MILR1: variants seen among roughly 807,000 people sequenced by gnomAD.
The protein encoded by MILR1 is mast cell immunoglobulin like receptor 1, also known as allergin-1.
MILR1 carries 31 observed loss-of-function variants against 18.5 expected under a neutral mutation model. That is an observed-to-expected ratio of 1.68 (90% CI 1.26 to 2.26). The LOEUF is 2.26. Among genes scored for constraint, MILR1 ranks in the 30% most tolerant of loss-of-function variants. The pLI, the probability that MILR1 is intolerant of heterozygous loss-of-function variation, is 0.00. For synonymous variants in MILR1, 85 were observed against 56.2 expected (o/e 1.51, Z -2.30); for missense variants, 257 against 157.4 (o/e 1.63, Z -3.38).
chr17:64,463,131 A>T (rs2037469176), intron 5 of MILR1, among the ~76,000 whole-genome samples: 1 of 152,206 alleles, frequency 6.6e-6, no homozygotes, highest in African/African-American at 2.4e-5. Flanking sequence ...TACATCCAGC[A>T]GAAAACTTGT....
chr17:64,475,925 T>C, the MILR1 span, among the ~76,000 whole-genome samples: 1 of 149,496 alleles, frequency 6.7e-6, no homozygotes, highest in South Asian at 2.2e-4. Context: ...GCGATTCTCC[T>C]GCCTCAGCCT....
chr17:64,466,346 A>G (rs562348615), intron 6 of MILR1, 96 bp from the exon 7 acceptor site: 1 of 990,118 alleles, frequency 1.0e-6, no homozygotes, highest in Admixed American at 2.0e-5. Flanking sequence ...GTCCCAGCCT[A>G]CATGGCCACA....
intron 7 of MILR1, 29 bp from the exon 8 acceptor site, chr17:64,466,565 A>G (rs782619858): frequency 1.7e-5 from 27 of 1,611,128 alleles, no homozygotes; most frequent in Non-Finnish European, 2.2e-5. Context: ...AATTGGCCCA[A>G]TAATTCCTAT....
chr17:64,467,314 T>A (rs1401289579), intron 8 of MILR1, among the ~76,000 whole-genome samples: 20 of 151,776 alleles, frequency 1.3e-4, no homozygotes, highest in Admixed American at 2.0e-4. Context: ...TCTTGCTATA[T>A]TGCCCAAGCT....
chr17:64,489,445 A>T, the MILR1 span, among the ~76,000 whole-genome samples: 1 of 151,766 alleles, frequency 6.6e-6, no homozygotes, highest in African/African-American at 2.4e-5. Flanking sequence ...TCATCAAGGG[A>T]TGCTGCAACC....
chr17:64,489,341 T>A, the MILR1 span, among the ~76,000 whole-genome samples: 1 of 140,862 alleles, frequency 7.1e-6, no homozygotes, highest in Admixed American at 7.2e-5. Flanking sequence ...CTAGAAGGAA[T>A]GATGGAATTT....
chr17:64,497,255 G>C, the MILR1 span, among the ~76,000 whole-genome samples: 18 of 152,246 alleles, frequency 1.2e-4, no homozygotes, highest in African/African-American at 4.1e-4. Flanking sequence ...ACCAGTAAAG[G>C]TTATTCCCAC....
chr17:64,474,655 A>G, the MILR1 span, among the ~76,000 whole-genome samples: 1 of 152,140 alleles, frequency 6.6e-6, no homozygotes, highest in Non-Finnish European at 1.5e-5. Context: ...GATTACAGGT[A>G]TGAGCCACCA....
chr17:64,481,027 C>T, the MILR1 span, among the ~76,000 whole-genome samples: 6 of 152,126 alleles, frequency 3.9e-5, no homozygotes, highest in Admixed American at 3.3e-4. Flanking sequence ...ATTTAAAAAC[C>T]CCTTAACAGT....
chr17:64,457,404 G>A lies in MILR1; in HGVS notation c.372G>A (p.Pro124=), dbSNP rs932619546. The change falls in exon 4 of 10, where the codon CCG becomes CCA. Residue 124 remains proline (P), a synonymous_variant. Coordinates refer to ENST00000619286, the MANE Select transcript of MILR1 (RefSeq NM_001085423.2). ...SRDFSFTIVD[P]VTSPVLNIMV... is the part of the protein sequence containing the mutation. Reference sequence around the variant, plus strand: ...TGTTCACTTTCATTCTTCCAGACCCGGTGACTTCCCCAGTGCTGAACATTA... The same window carrying A: ...TGTTCACTTTCATTCTTCCAGACCCAGTGACTTCCCCAGTGCTGAACATTA... The A allele has an allele frequency of 6.3e-6, 3 of 475,112 alleles. No individual in the cohort carries two copies. Among genetic ancestry groups the A allele is most frequent in the African/African-American group, 2.0e-5 (1 of 50,478 alleles). 29.4% of individuals were successfully genotyped at this position (475,112 alleles called of 1,614,324 possible).
intron 5 of MILR1, among the ~76,000 whole-genome samples, chr17:64,464,504 CA>C (rs1184836883): frequency 7.2e-5 from 11 of 151,958 alleles, no homozygotes; most frequent in African/African-American, 2.7e-4. Flanking sequence ...CTTCCCAAAG[CA>C]CTGGGATTAC....
At chr17:64,496,831 C>A in the MILR1 span, 3 of 1,613,824 alleles carry the variant, frequency 1.9e-6, no homozygotes, top group Non-Finnish European at 2.5e-6. Context: ...GCTCCGCGTG[C>A]GACTTCACAT....
intron 5 of MILR1, among the ~76,000 whole-genome samples, chr17:64,462,188 C>A (rs1346918737): frequency 6.6e-6 from 1 of 152,008 alleles, no homozygotes. Context: ...CTCTCTCTCT[C>A]TTCTTTTTTT....
downstream of MILR1, among the ~76,000 whole-genome samples, chr17:64,468,990 G>A (rs1215716523): frequency 6.6e-6 from 1 of 151,986 alleles, no homozygotes; most frequent in Non-Finnish European, 1.5e-5. Context: ...AGGAGGCTGA[G>A]GCATGAGAAT....
chr17:64,462,324 C>T (rs922230099), intron 5 of MILR1, among the ~76,000 whole-genome samples: 8 of 152,224 alleles, frequency 5.3e-5, no homozygotes, highest in East Asian at 1.9e-4. Context: ...GCCACTGTGC[C>T]GGGCCAAGAA....
downstream of MILR1, among the ~76,000 whole-genome samples, chr17:64,469,149 A>G (rs1393170043): frequency 1.3e-5 from 2 of 151,996 alleles, no homozygotes; most frequent in Non-Finnish European, 2.9e-5. Context: ...GGAAGGAAAG[A>G]GAGAAAAGAA....
the MILR1 span, chr17:64,497,090 G>T: frequency 9.5e-7 from 1 of 1,052,894 alleles, no homozygotes; most frequent in South Asian, 1.3e-5. Context: ...GCGTGCTTGC[G>T]GGCGGCAGGC....
In MILR1 at chr17:64,455,462, A is replaced by AT. The variant is rs1278094099; in HGVS notation, c.368-1928dup. On this transcript the variant is annotated intron_variant, in intron 3 of 9. Coordinates refer to ENST00000619286, the MANE Select transcript of MILR1 (RefSeq NM_001085423.2). The stretch of plus-strand genomic sequence containing the variant: ...TCACTGATTCACTCATCAAAAAAAA[A>AT]TTTTTTTTTTGAGATGGATCTTGCT... Among the ~76,000 whole-genome samples, 911 of 150,254 alleles carry AT rather than the reference A, an allele frequency of 6.1e-3. 8 individuals are homozygous for AT. Among genetic ancestry groups the AT allele is most frequent in the African/African-American group, 0.021 (874 of 40,906 alleles).
chr17:64,449,287 C>A (rs1432255095), intron 1 of MILR1, 27 bp from the exon 2 acceptor site: 2 of 473,376 alleles, frequency 4.2e-6, no homozygotes, highest in Non-Finnish European at 7.7e-6. Flanking sequence ...GGAAAGTGAG[C>A]TTTATCGTGT....
Sources: allele counts gnomAD v4.1 joint callset (sites outside exome capture counted in the v4.1 genomes callset), GRCh38; gene constraint gnomAD v4.1.1; transcripts MANE v1.5; gene names NCBI Gene and HGNC (gene_info 2026-07-23, HGNC 2026-07-21).